The following SBF1 variants were observed in gnomAD, a reference collection of about 807,000 sequenced individuals.
The protein encoded by SBF1 is SET binding factor 1.
In SBF1, 65 loss-of-function variants were observed where a neutral mutation model predicts 215.8. The ratio of observed to expected loss-of-function variants is 0.30; its 90% CI spans 0.25 to 0.37. SBF1 has a LOEUF of 0.37. SBF1 is among the 10% of genes least tolerant of loss of function. SBF1 has a pLI of 1.00. For missense variants in SBF1, 2,634 were observed against 2,667.8 expected (o/e 0.99, Z 0.28); for synonymous variants, 1,410 against 1,122.8 (o/e 1.26, Z -5.11).
chr22:50,446,999 C>CG lies in SBF1; in HGVS notation c.*142dup, dbSNP rs1276038394. 1 of 771,676 alleles carries CG rather than the reference C, an allele frequency of 1.3e-6. No homozygotes were observed. Among genetic ancestry groups the CG allele is most frequent in the African/African-American group, 1.7e-5 (1 of 57,606 alleles). The allele number at this position is 771,676 out of a possible 1,614,324, so 47.8% of individuals were successfully genotyped here. On this transcript the variant is annotated 3_prime_UTR_variant, in exon 41 of 41. Coordinates refer to ENST00000380817, the MANE Select transcript of SBF1 (RefSeq NM_002972.4). Reference sequence around the variant, plus strand: ...CCGGCCGGGCGGGGCGGGGCGGGGACGGGGGCTGTACACACAAGTGCTGGG... The same window carrying CG: ...CCGGCCGGGCGGGGCGGGGCGGGGACGGGGGGCTGTACACACAAGTGCTGGG...
rs892233019 is a variant in SBF1 at position 50,463,516 on chromosome 22, G to C, written c.1750-84C>G. 7 of 1,421,590 alleles carry C rather than the reference G, an allele frequency of 4.9e-6. No homozygotes were observed. In the African/African-American group the frequency reaches 1.0e-4, roughly 20 times the overall value. The allele number at this position is 1,421,590 out of a possible 1,614,324, so 88.1% of individuals were successfully genotyped here. The stretch of plus-strand genomic sequence containing the variant: ...TGGCAGGGAGGGCAGCAGGTGTCCA[G>C]GAGACCCAAATGCCTTTCAGGTGGG... On this transcript the variant is annotated intron_variant, in intron 15 of 40. Transcript: ENST00000380817.
chr22:50,473,694 G>A (rs760578864), intron 1 of SBF1, among the ~76,000 whole-genome samples: 1 of 152,120 alleles, frequency 6.6e-6, no homozygotes, highest in Non-Finnish European at 1.5e-5. Flanking sequence ...AGTGACAACT[G>A]GACTGACAAA....
At position 50,466,693 on chromosome 22, in the gene SBF1, C is replaced by A. The variant is rs532956040; in HGVS notation, c.567G>T (p.Gly189=). ...TCTGGATGACCTGCCGGTCACCAGC[C>A]CCCAAAGAGATCGTCCTCTGCAGCA... ...AGGSQRTISL[G]AGDRQVIQTP... is the part of the protein sequence containing the mutation. The change falls in exon 6 of 41, where the codon GGG becomes GGT. Residue 189 remains glycine (G), a synonymous_variant. Transcript: ENST00000380817. 3.9e-6 allele frequency: 6 copies of A among 1,540,880 alleles called. 1 individual carries two copies. The highest frequency in any genetic ancestry group is 2.4e-5 in the South Asian group (2 of 83,258).
rs2066827187 is a variant in SBF1 at position 50,446,585 on chromosome 22, G to GA, written c.*556dup. 3 of 337,638 alleles carry GA rather than the reference G, an allele frequency of 8.9e-6. No homozygotes were observed. Among genetic ancestry groups the GA allele is most frequent in the South Asian group, 7.0e-5 (3 of 42,830 alleles). The allele number at this position is 337,638 out of a possible 1,614,324, so 20.9% of individuals were successfully genotyped here. A position where few individuals can be genotyped will look rare whatever the true frequency, so the allele number is the denominator to read the frequency against. ...CTAGACCAGCCCTGAGGCGTGGAGG[G>GA]AATCAAGCAAGTCCCCAGTGAAGCC... On this transcript the variant is annotated 3_prime_UTR_variant, in exon 41 of 41. Transcript: ENST00000380817.
At chr22:50,455,785 A>T (rs2067222378) in intron 31 of SBF1, 2 of 603,186 alleles carry the variant, frequency 3.3e-6, no homozygotes, top group Admixed American at 5.8e-5. Context: ...TGCTGGTCAC[A>T]GCCCACCCCC....
intron 1 of SBF1, among the ~76,000 whole-genome samples, chr22:50,472,878 CAG>C (rs2068043911): frequency 6.6e-6 from 1 of 152,152 alleles, no homozygotes; most frequent in Admixed American, 6.5e-5. Context: ...AGCAGCTGAC[CAG>C]CTCAACCCCA....
intron 17 of SBF1, 62 bp downstream of exon 17, chr22:50,462,808 G>T: frequency 2.5e-6 from 4 of 1,605,530 alleles, no homozygotes; most frequent in Non-Finnish European, 3.4e-6. Flanking sequence ...GGGCTGGGAA[G>T]GAGACCTCAG....
At position 50,465,146 on chromosome 22, in the gene SBF1, G is replaced by A. The variant is rs1279520583; in HGVS notation, c.1204-17C>T. 4 of 1,613,956 alleles carry A rather than the reference G, an allele frequency of 2.5e-6. No individual in the cohort carries two copies. The highest frequency in any genetic ancestry group is 1.6e-4 in the Middle Eastern group (1 of 6,062). Reference sequence around the variant, plus strand: ...GAAGGCTGCCTGGATGACAGAAGGAGGTCGGTCCCTCAGGGGTCTCCACCA... The same window carrying A: ...GAAGGCTGCCTGGATGACAGAAGGAAGTCGGTCCCTCAGGGGTCTCCACCA... On this transcript the variant is annotated splice_polypyrimidine_tract_variant and intron_variant, in intron 11 of 40. Coordinates refer to ENST00000380817, the MANE Select transcript of SBF1 (RefSeq NM_002972.4).
intron 31 of SBF1, chr22:50,455,847 G>GC (rs2067225320): frequency 1.7e-6 from 1 of 573,526 alleles, no homozygotes; most frequent in Non-Finnish European, 3.1e-6. Flanking sequence ...GATGCCGGTG[G>GC]CCCTACCTTC....
chr22:50,469,808 T>G (rs1474248240), intron 1 of SBF1, among the ~76,000 whole-genome samples: 2 of 150,736 alleles, frequency 1.3e-5, no homozygotes, highest in Non-Finnish European at 2.9e-5. Flanking sequence ...TGGGAACAGA[T>G]GAGCAACTCT....
At chr22:50,471,631 G>A (rs528014767) in intron 1 of SBF1, among the ~76,000 whole-genome samples, 57 of 152,142 alleles carry the variant, frequency 3.7e-4, no homozygotes, top group African/African-American at 1.3e-3. Context: ...TGGCTCCCTC[G>A]GCCGCAGCAG....
At chr22:50,466,836 G>C in intron 5 of SBF1, 126 bp from the exon 6 acceptor site, 1 of 642,984 alleles carries the variant, frequency 1.6e-6, no homozygotes, top group Non-Finnish European at 2.7e-6. Context: ...GGCTGGGATG[G>C]GCAACATGGC....
chr22:50,453,083 G>A (rs1349365038), intron 36 of SBF1, among the ~76,000 whole-genome samples: 1 of 151,994 alleles, frequency 6.6e-6, no homozygotes, highest in Admixed American at 6.5e-5. Flanking sequence ...ATTAAAATGG[G>A]CTAAAAATTC....
chr22:50,474,752 C>T (rs1183088496), intron 1 of SBF1, 34 bp downstream of exon 1: 3 of 1,449,386 alleles, frequency 2.1e-6, no homozygotes, highest in African/African-American at 1.5e-5. Context: ...CGACCCTCGG[C>T]CCCCGGCCCT....
In SBF1 at chr22:50,463,438, G is replaced by C; in HGVS notation, c.1750-6C>G. On this transcript the variant is annotated splice_polypyrimidine_tract_variant and splice_region_variant and intron_variant, in intron 15 of 40. Coordinates refer to ENST00000380817, the MANE Select transcript of SBF1 (RefSeq NM_002972.4). ...CTCAACACGGCTGGGAGCAGCTGGGGGTGGGGAAAGGAGACACGGGCTGAG... is the reference window on the plus strand; with the variant it reads ...CTCAACACGGCTGGGAGCAGCTGGGCGTGGGGAAAGGAGACACGGGCTGAG... 6.4e-7 allele frequency: 1 copy of C among 1,562,198 alleles called. No individual in the cohort carries two copies. Among genetic ancestry groups the C allele is most frequent in the East Asian group, 2.3e-5 (1 of 42,818 alleles).
rs183064538 is a variant in SBF1, at chr22:50,456,113, G to A, written c.4266+103C>T. Reference sequence around the variant, plus strand: ...GTGGCTGTCACCTCCTCCTTCCAGCGCTCCACACTGTCAGACAAGCAAACC... The same window carrying A: ...GTGGCTGTCACCTCCTCCTTCCAGCACTCCACACTGTCAGACAAGCAAACC... On this transcript the variant is annotated intron_variant, in intron 31 of 40. Transcript: ENST00000380817. The A allele has an allele frequency of 3.2e-3, 3,944 of 1,249,584 alleles. 173 individuals are homozygous for A. The Admixed American group carries it at 0.081, about 26-fold the overall frequency. The allele number at this position is 1,249,584 out of a possible 1,614,324, so 77.4% of individuals were successfully genotyped here. A position where few individuals can be genotyped will look rare whatever the true frequency, so the allele number is the denominator to read the frequency against.
At chr22:50,449,475 C>T (rs1019133307) in intron 36 of SBF1, among the ~76,000 whole-genome samples, 6 of 151,952 alleles carry the variant, frequency 3.9e-5, no homozygotes, top group African/African-American at 1.2e-4. Context: ...ATTAGCCGGA[C>T]GCAGTGGCAG....
In SBF1 at chr22:50,469,483, C is replaced by T. The variant is rs951059830; in HGVS notation, c.56-1022G>A. ...CCCTGGAGAGCCAAACCAGGAAGCC[C>T]GGTGGGGACCACAGTGGGACACTCA... On this transcript the variant is annotated intron_variant, in intron 1 of 40. Transcript: ENST00000380817. Among the ~76,000 whole-genome samples the T allele has an allele frequency of 1.3e-4, 20 of 152,336 alleles. No homozygotes were observed. The East Asian group carries it at 3.3e-3, about 25-fold the overall frequency.
chr22:50,458,490 G>A (rs1431660390), intron 28 of SBF1, among the ~76,000 whole-genome samples: 1 of 152,038 alleles, frequency 6.6e-6, no homozygotes, highest in Admixed American at 6.5e-5. Flanking sequence ...GGGTGCAGGG[G>A]CGGCCCCACC....
Sources: allele counts gnomAD v4.1 joint callset (sites outside exome capture counted in the v4.1 genomes callset), GRCh38; gene constraint gnomAD v4.1.1; transcripts MANE v1.5; gene names NCBI Gene and HGNC (gene_info 2026-07-23, HGNC 2026-07-21).